The following CALD1 variants were observed in gnomAD, a reference collection of about 807,000 sequenced individuals.
CALD1 encodes caldesmon 1.
Under a neutral mutation model 99.9 loss-of-function variants are expected in CALD1, and 33 were observed. The ratio of observed to expected loss-of-function variants is 0.33; its 90% CI spans 0.25 to 0.44. The LOEUF (loss-of-function observed/expected upper bound fraction) is 0.44. CALD1 is among the 20% of genes least tolerant of loss of function. The probability of loss-of-function intolerance (pLI) is 1.00; values close to 1 mark genes in which losing one functional copy is unlikely to be tolerated. For missense variants in CALD1, 861 were observed against 962.1 expected, an observed-to-expected ratio of 0.89 and a Z score of 1.39; for synonymous variants, 310 against 325.0, an observed-to-expected ratio of 0.95 and a Z score of 0.50.
At chr7:134,867,671 G>A (rs1800862499) in intron 2 of CALD1, 22 bp from the exon 3 acceptor site, 3 of 934,532 alleles carry the variant, frequency 3.2e-6, no homozygotes, top group Non-Finnish European at 5.0e-6. Context: ...CAATGATATT[G>A]ACTCTACCTC....
At chr7:134,918,969 C>T (rs1424399053) in intron 3 of CALD1, among the ~76,000 whole-genome samples, 1 of 152,114 alleles carries the variant, frequency 6.6e-6, no homozygotes, top group South Asian at 2.1e-4. Flanking sequence ...GAGTGCACAC[C>T]AGCTGGGTTA....
the CALD1 span, among the ~76,000 whole-genome samples, chr7:134,711,676 A>G: frequency 1.6e-4 from 11 of 70,466 alleles, no homozygotes; most frequent in South Asian, 5.8e-4. Context: ...ATATATATAT[A>G]TATATGTGTG....
chr7:134,965,336 C>A lies in CALD1; in HGVS notation c.2326C>A (p.Arg776=). The A allele has an allele frequency of 1.3e-6, 2 of 1,594,340 alleles. No homozygotes were observed. The highest frequency in any genetic ancestry group is 8.6e-7 in the Non-Finnish European group (1 of 1,162,054). ...GAGACCAGGAGACGTATCCAGCAAG[C>A]GGAACCTCTGGGAAAAGCAATCTGT... The part of the protein sequence containing the change: ...DLRPGDVSSK[R]NLWEKQSVDK... Residue 776 remains arginine (R), a synonymous_variant, in exon 14 of 15, where the codon CGG becomes AGG. Transcript: ENST00000361675.
chr7:134,746,743 C>T (rs1352692393), intron 1 of CALD1, among the ~76,000 whole-genome samples: 1 of 152,060 alleles, frequency 6.6e-6, no homozygotes, highest in Non-Finnish European at 1.5e-5. Context: ...TCTGATGAGG[C>T]CATTCAGATG....
intron 3 of CALD1, among the ~76,000 whole-genome samples, chr7:134,876,145 C>A (rs932405224): frequency 6.6e-6 from 1 of 152,158 alleles, no homozygotes; most frequent in African/African-American, 2.4e-5. Flanking sequence ...ACATATGCAC[C>A]CACCAAACTT....
intron 1 of CALD1, among the ~76,000 whole-genome samples, chr7:134,772,308 T>G (rs1436586804): frequency 6.6e-6 from 1 of 152,138 alleles, no homozygotes; most frequent in Non-Finnish European, 1.5e-5. Context: ...TTTTCCAGGC[T>G]GGCCTCAAAC....
chr7:134,777,234 T>G (rs1265126560), upstream of CALD1, among the ~76,000 whole-genome samples: 2 of 152,208 alleles, frequency 1.3e-5, no homozygotes, highest in African/African-American at 4.8e-5. Flanking sequence ...TTCAATATCA[T>G]GGTACACACT....
At position 134,845,842 on chromosome 7, in the gene CALD1, G is replaced by A. The variant is rs923885638; in HGVS notation, c.-42+1871G>A. On this transcript the variant is annotated intron_variant, in intron 2 of 14. Transcript: ENST00000361675. The stretch of plus-strand genomic sequence containing the variant: ...GGACCCGTCCAAGAGGAAGAACACT[G>A]CACGATACTTCTAATGAAGCTGTGT... Among the ~76,000 whole-genome samples, 42 of 152,240 alleles carry A rather than the reference G, an allele frequency of 2.8e-4. 1 individual carries two copies. The highest frequency in any genetic ancestry group is 3.1e-4 in the Non-Finnish European group (21 of 68,042).
intron 2 of CALD1, among the ~76,000 whole-genome samples, chr7:134,846,035 C>T (rs1038694716): frequency 6.6e-6 from 1 of 152,334 alleles, no homozygotes; most frequent in South Asian, 2.1e-4. Context: ...CACCTATGGT[C>T]ATTGTCCAAC....
chr7:134,894,471 T>G (rs1802422941), intron 3 of CALD1, among the ~76,000 whole-genome samples: 1 of 152,254 alleles, frequency 6.6e-6, no homozygotes. Context: ...TTTACCTTTT[T>G]CATTTGAACC....
At chr7:134,880,575 G>C (rs1801551583) in intron 3 of CALD1, among the ~76,000 whole-genome samples, 1 of 152,078 alleles carries the variant, frequency 6.6e-6, no homozygotes, top group Non-Finnish European at 1.5e-5. Context: ...CTTCTTCCTT[G>C]AACAATTCTT....
chr7:134,796,928 G>A (rs1177915346), intron 1 of CALD1, among the ~76,000 whole-genome samples: 2 of 152,134 alleles, frequency 1.3e-5, no homozygotes, highest in Non-Finnish European at 2.9e-5. Flanking sequence ...ATCTTGTTTG[G>A]AGAAACTCTG....
intron 3 of CALD1, among the ~76,000 whole-genome samples, chr7:134,869,202 C>T (rs1043580086): frequency 4.6e-5 from 7 of 151,880 alleles, no homozygotes; most frequent in African/African-American, 9.7e-5. Context: ...AAGAGGGAAA[C>T]GGAGCCTGTC....
intron 1 of CALD1, among the ~76,000 whole-genome samples, chr7:134,790,664 G>C (rs1298999102): frequency 6.6e-6 from 1 of 152,106 alleles, no homozygotes; most frequent in Non-Finnish European, 1.5e-5. Context: ...ACAAGATGAG[G>C]ATCTAGACCT....
rs1240275947 is a variant in CALD1 at position 134,783,416 on chromosome 7, C to T, written c.-130+3667C>T. Among the ~76,000 whole-genome samples, 1 of 152,208 alleles carries T rather than the reference C, an allele frequency of 6.6e-6. No homozygotes were observed. Among genetic ancestry groups the T allele is most frequent in the East Asian group, 1.9e-4 (1 of 5,192 alleles). On this transcript the variant is annotated intron_variant, in intron 1 of 14. Transcript: ENST00000361675. The surrounding 1 kb of genome is among the most constrained non-coding windows in gnomAD (Gnocchi z 4.3). The stretch of plus-strand genomic sequence containing the variant: ...ATGAGGCCCAGAGTACAGCAGAACA[C>T]TCTAGCACAGATAGGTTCTAGCTAG...
intron 8 of CALD1, chr7:134,948,217 T>C (rs564343885): frequency 4.5e-5 from 7 of 156,662 alleles, no homozygotes; most frequent in African/African-American, 1.7e-4. Context: ...GAAGATTTTT[T>C]TAAATCTTTT....
intron 1 of CALD1, among the ~76,000 whole-genome samples, chr7:134,801,629 CTCT>C (rs1022629351): frequency 4.6e-4 from 70 of 152,184 alleles, no homozygotes; most frequent in African/African-American, 1.7e-3. Context: ...CTCTCTCTCT[CTCT>C]TTTTTGAAAC....
At chr7:134,801,793 A>G (rs1447872673) in intron 1 of CALD1, among the ~76,000 whole-genome samples, 1 of 72,818 alleles carries the variant, frequency 1.4e-5, no homozygotes, top group Non-Finnish European at 3.0e-5. Flanking sequence ...AAATTCGTGT[A>G]TTTTTTTAAA....
At chr7:134,950,754 G>A (rs1260497145) in intron 9 of CALD1, among the ~76,000 whole-genome samples, 6 of 152,102 alleles carry the variant, frequency 3.9e-5, no homozygotes, top group Non-Finnish European at 7.4e-5. Flanking sequence ...TCAGGAGTTC[G>A]AGACCAGCCT....
Sources: allele counts gnomAD v4.1 joint callset (sites outside exome capture counted in the v4.1 genomes callset), GRCh38; gene constraint gnomAD v4.1.1; non-coding constraint Gnocchi (gnomAD v3.1); transcripts MANE v1.5; gene names NCBI Gene and HGNC (gene_info 2026-07-23, HGNC 2026-07-21).